RASAL2: variants seen among roughly 807,000 people sequenced by gnomAD.
The protein encoded by RASAL2 is RAS protein activator like 2, also known as ras GTPase-activating protein nGAP.
A neutral mutation model predicts 128.9 loss-of-function variants in RASAL2; 58 were observed. That is an observed-to-expected ratio of 0.45 (90% confidence interval 0.36 to 0.56). RASAL2 has a LOEUF of 0.56. Ranked by LOEUF, RASAL2 falls within the 20% of genes least tolerant of loss-of-function variation. The pLI, the probability that RASAL2 is intolerant of heterozygous loss-of-function variation, is 0.00. For missense variants in RASAL2, 1,360 were observed against 1,601.6 expected (o/e 0.85, Z 2.57); for synonymous variants, 561 against 580.8 (o/e 0.97, Z 0.49).
chr1:178,320,676 A>G (rs912283888), intron 3 of RASAL2, among the ~76,000 whole-genome samples: 2 of 151,778 alleles, frequency 1.3e-5, no homozygotes, highest in Non-Finnish European at 2.9e-5. Context: ...GCACCCACTG[A>G]CCTGCGCCCA....
intron 1 of RASAL2, chr1:178,125,472 C>A (rs1013357566): frequency 2.8e-4 from 42 of 152,146 alleles, no homozygotes; most frequent in African/African-American, 1.0e-3. Context: ...TCAGGCTGTA[C>A]AGGAAATGTG....
At chr1:178,419,508 A>C (rs1277084108) in intron 4 of RASAL2, among the ~76,000 whole-genome samples, 1 of 151,840 alleles carries the variant, frequency 6.6e-6, no homozygotes, top group East Asian at 1.9e-4. Context: ...GGCTGGTCTT[A>C]AATTCCTGGC....
At chr1:178,326,350 CAT>C (rs1669039533) in intron 3 of RASAL2, among the ~76,000 whole-genome samples, 2 of 152,054 alleles carry the variant, frequency 1.3e-5, no homozygotes, top group Admixed American at 6.6e-5. Context: ...AATTATCCCT[CAT>C]AAGTGAGAAT....
At chr1:178,136,833 A>G (rs987741054) in intron 1 of RASAL2, among the ~76,000 whole-genome samples, 1 of 150,142 alleles carries the variant, frequency 6.7e-6, no homozygotes, top group Non-Finnish European at 1.5e-5. Context: ...CCCTGATGAG[A>G]TATATTTAAA....
chr1:178,265,425 ATAAT>A (rs1557864700), intron 1 of RASAL2, among the ~76,000 whole-genome samples: 2 of 152,190 alleles, frequency 1.3e-5, no homozygotes, highest in Admixed American at 6.5e-5. Context: ...CAATGCCCAA[ATAAT>A]TAATAATAGA....
chr1:178,319,312 C>G (rs1668637463), intron 3 of RASAL2, among the ~76,000 whole-genome samples: 1 of 151,912 alleles, frequency 6.6e-6, no homozygotes, highest in South Asian at 2.1e-4. Flanking sequence ...ATGGCGTTCT[C>G]TGTATTTCCT....
intron 1 of RASAL2, among the ~76,000 whole-genome samples, chr1:178,164,532 T>C (rs1241066665): frequency 6.7e-6 from 1 of 148,306 alleles, no homozygotes; most frequent in East Asian, 2.0e-4. Flanking sequence ...TGTTTTAAAC[T>C]GTATTTCCCC....
At chr1:178,385,315 T>G (rs373340284) in intron 3 of RASAL2, among the ~76,000 whole-genome samples, 1 of 152,102 alleles carries the variant, frequency 6.6e-6, no homozygotes, top group Non-Finnish European at 1.5e-5. Context: ...CACACACTTA[T>G]AGTCCCAGCT....
chr1:178,372,764 T>C (rs1338507058), intron 3 of RASAL2, among the ~76,000 whole-genome samples: 1 of 152,188 alleles, frequency 6.6e-6, no homozygotes, highest in Non-Finnish European at 1.5e-5. Flanking sequence ...GTGAAATATT[T>C]GTAATGCTTA....
At position 178,458,109 on chromosome 1, in the gene RASAL2, C is replaced by T. The variant is rs34534441; in HGVS notation, c.2817C>T (p.Ala939=). 89 of 1,614,198 alleles carry T rather than the reference C, an allele frequency of 5.5e-5. No homozygotes were observed. In the African/African-American group the frequency reaches 1.1e-3, roughly 21 times the overall value. ...ACCCAATTCCAGCAATGCCAAAGGC[C>T]TCTATAGATTCCAGTTTGGAGAACC... The part of the protein sequence containing the change: ...LNNPIPAMPK[A]SIDSSLENLS... The change falls in exon 14 of 18, where the codon GCC becomes GCT. Residue 939 remains alanine (A), a synonymous_variant. Coordinates refer to ENST00000367649, the MANE Select transcript of RASAL2 (RefSeq NM_170692.4).
chr1:178,156,647 T>G (rs762264068), intron 1 of RASAL2, among the ~76,000 whole-genome samples: 6 of 152,200 alleles, frequency 3.9e-5, no homozygotes, highest in Non-Finnish European at 8.8e-5. Flanking sequence ...CACTCAATAA[T>G]TCTAGTGATG....
intron 14 of RASAL2, among the ~76,000 whole-genome samples, chr1:178,462,417 T>C (rs968875392): frequency 3.3e-5 from 5 of 152,158 alleles, no homozygotes. Context: ...TATGATATGA[T>C]GCCCATTAGA....
intron 1 of RASAL2, among the ~76,000 whole-genome samples, chr1:178,135,183 G>A (rs1275431686): frequency 1.3e-5 from 2 of 152,036 alleles, no homozygotes; most frequent in East Asian, 1.9e-4. Flanking sequence ...TCTATAAAGC[G>A]TATCCATTTT....
chr1:178,420,166 T>C (rs1381393298), intron 4 of RASAL2, among the ~76,000 whole-genome samples: 43 of 152,194 alleles, frequency 2.8e-4, no homozygotes. Context: ...GCTGGTACCA[T>C]CTTCATAGAA....
At chr1:178,462,036 C>A (rs1678236540) in intron 14 of RASAL2, among the ~76,000 whole-genome samples, 1 of 152,164 alleles carries the variant, frequency 6.6e-6, no homozygotes. Context: ...AATTCCTGCT[C>A]CTTTTTCTTT....
chr1:178,168,679 C>G (rs1661599478), intron 1 of RASAL2, among the ~76,000 whole-genome samples: 1 of 152,084 alleles, frequency 6.6e-6, no homozygotes, highest in South Asian at 2.1e-4. Flanking sequence ...GTTTGTGAGA[C>G]TTTTGCTTAC....
intron 1 of RASAL2, among the ~76,000 whole-genome samples, chr1:178,105,123 T>C (rs1190673739): frequency 6.6e-6 from 1 of 152,208 alleles, no homozygotes. Flanking sequence ...CCCAGTTTTA[T>C]AGCATGGGAT....
At chr1:178,098,478 T>C (rs73049357) in intron 1 of RASAL2, among the ~76,000 whole-genome samples, 2,472 of 152,326 alleles carry the variant, frequency 0.016, 69 homozygotes, top group African/African-American at 0.055. Context: ...CTGTCTGTGC[T>C]TTCTGGTAAA....
intron 1 of RASAL2, among the ~76,000 whole-genome samples, chr1:178,117,047 G>T (rs180824966): frequency 6.6e-6 from 1 of 152,252 alleles, no homozygotes; most frequent in East Asian, 1.9e-4. Flanking sequence ...TTTCATAACA[G>T]ACCTGTTAGA....
Sources: allele counts gnomAD v4.1 joint callset (sites outside exome capture counted in the v4.1 genomes callset), GRCh38; gene constraint gnomAD v4.1.1; transcripts MANE v1.5; gene names NCBI Gene and HGNC (gene_info 2026-07-23, HGNC 2026-07-21).